Variants in LRCH3 observed in about 807,000 individuals in gnomAD.
LRCH3 encodes DISP complex protein LRCH3.
A neutral mutation model predicts 104.5 loss-of-function variants in LRCH3; 68 were observed. The ratio of observed to expected loss-of-function variants is 0.65; its 90% CI spans 0.54 to 0.80. The LOEUF is 0.80. Among genes scored for constraint, LRCH3 ranks in the 30% least tolerant of loss-of-function variants. LRCH3 has a pLI of 0.00. For synonymous variants in LRCH3, 344 were observed against 361.3 expected (o/e 0.95, Z 0.54); for missense variants, 951 against 953.9 (o/e 1.00, Z 0.04).
chr3:197,879,654 C>T (rs891870021), intron 20 of LRCH3, among the ~76,000 whole-genome samples: 5 of 152,110 alleles, frequency 3.3e-5, no homozygotes, highest in African/African-American at 1.2e-4. Flanking sequence ...ATAAAACAGA[C>T]ACCCTCTGAT....
At chr3:197,868,862 G>T (rs1018494697) in intron 17 of LRCH3, among the ~76,000 whole-genome samples, 1 of 152,206 alleles carries the variant, frequency 6.6e-6, no homozygotes, top group Non-Finnish European at 1.5e-5. Flanking sequence ...GCATGGAAGG[G>T]GCTCCTGGGA....
intron 9 of LRCH3, among the ~76,000 whole-genome samples, chr3:197,838,238 AG>A (rs1737189567): frequency 6.6e-6 from 1 of 152,252 alleles, no homozygotes; most frequent in Non-Finnish European, 1.5e-5. Flanking sequence ...TGGGCCACAT[AG>A]CGACACTCTG....
chr3:197,885,259 A>G lies in LRCH3; in HGVS notation c.*1593A>G, dbSNP rs1360748039. The G allele has an allele frequency of 6.6e-6, 1 of 152,206 alleles. No individual in the cohort carries two copies. The highest frequency in any genetic ancestry group is 1.5e-5 in the Non-Finnish European group (1 of 68,056). 9.4% of individuals were successfully genotyped at this position (152,206 alleles called of 1,614,324 possible). ...ATACACTTCTAGCTCGGAAAAGCCT[A>G]GTTTCTTGTATTTCTTTCAGGTAAC... On this transcript the variant is annotated 3_prime_UTR_variant, in exon 21 of 21. Transcript: ENST00000425562.
chr3:197,838,851 TAA>T (rs1456704197), intron 9 of LRCH3, among the ~76,000 whole-genome samples: 2 of 152,330 alleles, frequency 1.3e-5, no homozygotes, highest in South Asian at 2.1e-4. Flanking sequence ...ATGAGTATGA[TAA>T]GAGACAATTT....
At chr3:197,823,179 A>G (rs1734702897) in intron 4 of LRCH3, 1 of 146,856 alleles carries the variant, frequency 6.8e-6, no homozygotes, top group Admixed American at 6.9e-5. Context: ...TATGTTGGCC[A>G]GGCTGGTCTC....
At chr3:197,839,506 T>C (rs959941564) in intron 10 of LRCH3, 109 bp downstream of exon 10, 1 of 604,794 alleles carries the variant, frequency 1.7e-6, no homozygotes, top group African/African-American at 1.9e-5. Flanking sequence ...ACATGGCATG[T>C]ATTTAGAACT....
chr3:197,871,580 C>T, intron 19 of LRCH3, 118 bp downstream of exon 19: 2 of 1,344,738 alleles, frequency 1.5e-6, no homozygotes, highest in Non-Finnish European at 2.1e-6. Context: ...AGAGTCCAGT[C>T]TCTACCTTCC....
chr3:197,792,871 C>A (rs1004501005), intron 1 of LRCH3, among the ~76,000 whole-genome samples: 1 of 151,618 alleles, frequency 6.6e-6, no homozygotes, highest in Non-Finnish European at 1.5e-5. Context: ...AGGCAGGTCT[C>A]GAACTCCTGA....
chr3:197,851,492 C>G (rs778665531), intron 12 of LRCH3, among the ~76,000 whole-genome samples: 4 of 152,160 alleles, frequency 2.6e-5, no homozygotes, highest in Non-Finnish European at 2.9e-5. Context: ...CAGATGGTTT[C>G]TAAAGGTCCT....
chr3:197,876,515 T>G (rs1004430865), intron 20 of LRCH3, among the ~76,000 whole-genome samples: 1 of 152,200 alleles, frequency 6.6e-6, no homozygotes, highest in Admixed American at 6.5e-5. Flanking sequence ...AATAACCCCT[T>G]TAAAAAGCAA....
Position 197,832,390 on chromosome 3 carries a change from A to G in LRCH3, c.1102+73A>G, listed in dbSNP as rs1252472782. On this transcript the variant is annotated intron_variant, in intron 8 of 20. Transcript: ENST00000425562. ...TTTTAAAGTTGTCTTTTTCATACCCACTCCTTTTGTTGGTGTATCTATAGC... is the reference window on the plus strand; with the variant it reads ...TTTTAAAGTTGTCTTTTTCATACCCGCTCCTTTTGTTGGTGTATCTATAGC... 1.2e-5 allele frequency: 18 copies of G among 1,503,784 alleles called. 1 individual carries two copies. The South Asian group carries it at 2.2e-4, about 19-fold the overall frequency. 93.2% of individuals were successfully genotyped at this position (1,503,784 alleles called of 1,614,324 possible).
intron 8 of LRCH3, 34 bp from the exon 9 acceptor site, chr3:197,835,634 GGTGTGT>G (rs372783553): frequency 1.5e-5 from 20 of 1,324,652 alleles, no homozygotes; most frequent in African/African-American, 1.0e-4. Flanking sequence ...GTTTTTTTCT[GGTGTGT>G]GTGTGTGTGT....
intron 19 of LRCH3, among the ~76,000 whole-genome samples, chr3:197,874,024 G>GA (rs34903890): frequency 9.8e-4 from 110 of 112,284 alleles, no homozygotes; most frequent in East Asian, 1.8e-3. Context: ...TGTCTCAAAA[G>GA]AAAAAAAAAA....
chr3:197,887,705 GA>G lies in LRCH3; in HGVS notation c.*4040del, dbSNP rs1714337794. On this transcript the variant is annotated 3_prime_UTR_variant, in exon 21 of 21. Coordinates refer to ENST00000425562, the MANE Select transcript of LRCH3 (RefSeq NM_001365715.1). ...GTTGGGGGCTGAGAGCCCCCCAGCAGAGCCCTTCCCATCACTGACAGTGTCT... is the reference window on the plus strand; with the variant it reads ...GTTGGGGGCTGAGAGCCCCCCAGCAGGCCCTTCCCATCACTGACAGTGTCT... The G allele has an allele frequency of 8.2e-6, 1 of 121,990 alleles. No individual in the cohort carries two copies. The highest frequency in any genetic ancestry group is 3.7e-5 in the African/African-American group (1 of 27,026). 7.6% of individuals were successfully genotyped at this position (121,990 alleles called of 1,614,324 possible).
intron 1 of LRCH3, among the ~76,000 whole-genome samples, chr3:197,801,039 G>C (rs1305502755): frequency 6.6e-6 from 1 of 150,884 alleles, no homozygotes; most frequent in Non-Finnish European, 1.5e-5. Context: ...AGGTTGCAGT[G>C]AGCTGAGATC....
At position 197,832,210 on chromosome 3, in the gene LRCH3, T is replaced by A. The variant is rs764631176; in HGVS notation, c.995T>A (p.Phe332Tyr). The change falls in exon 8 of 21, where the codon TTT (phenylalanine) becomes TAT (tyrosine). Residue 332 changes from phenylalanine (F) to tyrosine (Y), a missense_variant. By Grantham distance (22) the Phe-to-Tyr change is conservative. Coordinates refer to ENST00000425562, the MANE Select transcript of LRCH3 (RefSeq NM_001365715.1). ...TTCTTTTTTAAGCCTACAGATGAATTTTCAGATCTGCCTCTTCGAGTAGCA... is the reference window on the plus strand; with the variant it reads ...TTCTTTTTTAAGCCTACAGATGAATATTCAGATCTGCCTCTTCGAGTAGCA... ...RWSGNEPTDE[F>Y]SDLPLRVAEI... is the part of the protein sequence containing the mutation. The A allele has an allele frequency of 1.2e-6, 2 of 1,612,762 alleles. No individual in the cohort carries two copies. The highest frequency in any genetic ancestry group is 8.5e-7 in the Non-Finnish European group (1 of 1,179,002).
chr3:197,853,053 A>T (rs1013992368), intron 13 of LRCH3, among the ~76,000 whole-genome samples: 5 of 152,184 alleles, frequency 3.3e-5, no homozygotes, highest in African/African-American at 1.2e-4. Flanking sequence ...ACAGATTAAC[A>T]GAAAATAAAT....
chr3:197,810,749 A>G lies in LRCH3; in HGVS notation c.263-4159A>G, dbSNP rs978894138. On this transcript the variant is annotated intron_variant, in intron 1 of 20. Transcript: ENST00000425562. This position sits in a 1 kb window ranked among gnomAD's most constrained non-coding sequence, Gnocchi z 4.0. ...GTGGAGAAAAAAAACAGAAAAAGGA[A>G]AAAGTACATTTGTTTCATCTTCCCA... 1.1e-4 allele frequency among the ~76,000 whole-genome samples: 17 copies of G among 152,174 alleles called. No homozygotes were observed. The highest frequency in any genetic ancestry group is 2.4e-4 in the Non-Finnish European group (16 of 68,042).
intron 15 of LRCH3, among the ~76,000 whole-genome samples, chr3:197,863,254 C>G (rs1741082454): frequency 6.6e-6 from 1 of 151,880 alleles, no homozygotes; most frequent in Admixed American, 6.6e-5. Context: ...GTTATTCTAG[C>G]TTTTCTTTTA....
Sources: gnomAD v4.1 joint callset for allele counts (sites outside exome capture counted in the v4.1 genomes callset) on GRCh38, gnomAD v4.1.1 for gene constraint, Gnocchi (gnomAD v3.1) non-coding constraint, MANE v1.5 for transcripts, NCBI Gene and HGNC (gene_info 2026-07-23, HGNC 2026-07-21) for gene names.